Variants in LDLRAD3 observed in about 807,000 individuals in gnomAD.
The protein encoded by LDLRAD3 is low density lipoprotein receptor class A domain containing 3.
In LDLRAD3, 20 loss-of-function variants were observed where a neutral mutation model predicts 29.4. That is an observed-to-expected ratio of 0.68 (90% confidence interval 0.48 to 0.99). The LOEUF (loss-of-function observed/expected upper bound fraction) is 0.99, where lower values mean the gene tolerates loss of function less well. Ranked by LOEUF, LDLRAD3 falls within the 50% of genes least tolerant of loss-of-function variation. LDLRAD3 has a pLI of 0.00. For missense variants in LDLRAD3, 420 were observed against 454.3 expected, an observed-to-expected ratio of 0.92 and a Z score of 0.69; for synonymous variants, 157 against 192.7, an observed-to-expected ratio of 0.81 and a Z score of 1.53.
At chr11:36,044,418 A>T in intron 2 of LDLRAD3, among the ~76,000 whole-genome samples, 1 of 152,160 alleles carries the variant, frequency 6.6e-6, no homozygotes, top group East Asian at 1.9e-4. Flanking sequence ...CATTCAGTGA[A>T]TGCTAGCTGA....
chr11:36,202,133 C>T (rs777155658), intron 4 of LDLRAD3, among the ~76,000 whole-genome samples: 5 of 151,742 alleles, frequency 3.3e-5, no homozygotes, highest in Non-Finnish European at 5.9e-5. Flanking sequence ...CAACCTCCAC[C>T]TCCCAGGTTC....
intron 4 of LDLRAD3, among the ~76,000 whole-genome samples, chr11:36,125,923 C>A (rs979685838): frequency 2.6e-5 from 4 of 152,134 alleles, no homozygotes; most frequent in Non-Finnish European, 4.4e-5. Flanking sequence ...AAGGCTACCC[C>A]CCTTGGAAGG....
intron 4 of LDLRAD3, among the ~76,000 whole-genome samples, chr11:36,204,441 G>A (rs34469588): frequency 0.043 from 6,595 of 151,760 alleles, 469 homozygotes; most frequent in African/African-American, 0.14. Flanking sequence ...TAGACAACTC[G>A]TGCTCTTCTT....
In LDLRAD3 at chr11:36,018,619, A is replaced by G. The variant is rs139688663; in HGVS notation, c.47-17484A>G. The stretch of plus-strand genomic sequence containing the variant: ...CTAAGGCTAGATTCCTAGAAATACA[A>G]TCAGTGGGTCCAAAGGTAAGCTCAT... On this transcript the variant is annotated intron_variant, in intron 1 of 5. Transcript: ENST00000315571. Among the ~76,000 whole-genome samples, 220 of 152,268 alleles carry G rather than the reference A, an allele frequency of 1.4e-3. 3 individuals are homozygous for G. Among genetic ancestry groups the G allele is most frequent in the African/African-American group, 5.0e-3 (208 of 41,550 alleles).
At position 36,230,306 on chromosome 11, in the gene LDLRAD3, TG is replaced by T; in HGVS notation, c.*910del. On this transcript the variant is annotated 3_prime_UTR_variant, in exon 6 of 6. Coordinates refer to ENST00000315571, the MANE Select transcript of LDLRAD3 (RefSeq NM_174902.4). ...TGGCCCAAAGTCTGACCTGGCTGTATGTCCCTGTGGCCCACACCCAGCCTGT... is the reference window on the plus strand; with the variant it reads ...TGGCCCAAAGTCTGACCTGGCTGTATTCCCTGTGGCCCACACCCAGCCTGT... 6.6e-6 allele frequency: 1 copy of T among 152,450 alleles called. No homozygotes were observed. The highest frequency in any genetic ancestry group is 6.5e-5 in the Admixed American group (1 of 15,312). 9.4% of individuals were successfully genotyped at this position (152,450 alleles called of 1,614,324 possible).
chr11:35,987,152 C>T (rs1336725699), intron 1 of LDLRAD3, among the ~76,000 whole-genome samples: 1 of 152,198 alleles, frequency 6.6e-6, no homozygotes, highest in Admixed American at 6.5e-5. Context: ...GGTCAAGTAC[C>T]AGCTATGACA....
intron 4 of LDLRAD3, among the ~76,000 whole-genome samples, chr11:36,214,322 C>G (rs1855323817): frequency 6.6e-6 from 1 of 152,154 alleles, no homozygotes; most frequent in Non-Finnish European, 1.5e-5. Context: ...CAGGGTTGGC[C>G]TGGAGTGACT....
At chr11:36,057,324 G>A (rs140229683) in intron 2 of LDLRAD3, among the ~76,000 whole-genome samples, 1 of 152,090 alleles carries the variant, frequency 6.6e-6, no homozygotes, top group East Asian at 1.9e-4. Context: ...TGTTTCGCCG[G>A]GGGAGCCTAA....
At chr11:35,960,879 C>T (rs2133135196) in intron 1 of LDLRAD3, among the ~76,000 whole-genome samples, 1 of 152,348 alleles carries the variant, frequency 6.6e-6, no homozygotes, top group South Asian at 2.1e-4. Flanking sequence ...CAGGCGTGAG[C>T]CACCGTGCCC....
chr11:36,075,115 A>G (rs2133250313), intron 2 of LDLRAD3, among the ~76,000 whole-genome samples: 1 of 152,236 alleles, frequency 6.6e-6, no homozygotes, highest in Admixed American at 6.5e-5. Flanking sequence ...TGTACCGAGA[A>G]TGCCTGTGTG....
In LDLRAD3 at chr11:36,100,395, A is replaced by G. The variant is rs150154878; in HGVS notation, c.454+1934A>G. Among the ~76,000 whole-genome samples the G allele has an allele frequency of 4.3e-4, 66 of 152,342 alleles. 1 individual carries two copies. The East Asian group carries it at 9.8e-3, about 23-fold the overall frequency. On this transcript the variant is annotated intron_variant, in intron 4 of 5. Transcript: ENST00000315571. ...AATGCAAAATCAAGTAAGTATTAGC[A>G]TAGATAGGAAGGATTGAGGAACATT...
intron 4 of LDLRAD3, among the ~76,000 whole-genome samples, chr11:36,210,426 C>T (rs1256641826): frequency 1.3e-5 from 2 of 151,992 alleles, no homozygotes; most frequent in Non-Finnish European, 1.5e-5. Context: ...TTAGGTGTTT[C>T]GAGGGCTTTC....
At chr11:36,121,703 G>A (rs1313309815) in intron 4 of LDLRAD3, among the ~76,000 whole-genome samples, 1 of 152,234 alleles carries the variant, frequency 6.6e-6, no homozygotes, top group African/African-American at 2.4e-5. Flanking sequence ...TGAGCTATCT[G>A]TTATGATTTA....
intron 4 of LDLRAD3, among the ~76,000 whole-genome samples, chr11:36,165,886 T>C (rs1221264929): frequency 6.6e-6 from 1 of 151,972 alleles, no homozygotes; most frequent in Non-Finnish European, 1.5e-5. Context: ...GCTTAAATAT[T>C]TTAGTAACCG....
At chr11:36,181,034 G>A (rs1252709414) in intron 4 of LDLRAD3, among the ~76,000 whole-genome samples, 2 of 152,098 alleles carry the variant, frequency 1.3e-5, no homozygotes, top group Non-Finnish European at 2.9e-5. Context: ...CTGAAATTCA[G>A]TGTGGCCTTG....
At chr11:36,130,520 C>T (rs922572863) in intron 4 of LDLRAD3, among the ~76,000 whole-genome samples, 1 of 152,152 alleles carries the variant, frequency 6.6e-6, no homozygotes, top group Non-Finnish European at 1.5e-5. Context: ...CCAGATGAAG[C>T]CTGAATGACT....
At chr11:36,173,639 A>G (rs1854630126) in intron 4 of LDLRAD3, among the ~76,000 whole-genome samples, 1 of 152,122 alleles carries the variant, frequency 6.6e-6, no homozygotes. Flanking sequence ...TAATGCCACA[A>G]TAAACATACA....
chr11:36,195,922 A>G (rs1402445437), intron 4 of LDLRAD3, among the ~76,000 whole-genome samples: 3 of 152,036 alleles, frequency 2.0e-5, no homozygotes, highest in Admixed American at 2.0e-4. Context: ...AAGAAAGGGA[A>G]GTTACCCCCT....
chr11:36,100,900 T>A (rs1017336330), intron 4 of LDLRAD3, among the ~76,000 whole-genome samples: 1 of 152,178 alleles, frequency 6.6e-6, no homozygotes, highest in Non-Finnish European at 1.5e-5. Flanking sequence ...CTGAAGCAGA[T>A]TTTTGCTTGC....
Sources: allele counts gnomAD v4.1 joint callset (sites outside exome capture counted in the v4.1 genomes callset), GRCh38; gene constraint gnomAD v4.1.1; transcripts MANE v1.5; gene names NCBI Gene and HGNC (gene_info 2026-07-23, HGNC 2026-07-21).